Variants in HEMK2 observed in about 807,000 individuals in gnomAD.
HEMK2 encodes methyltransferase HEMK2.
At chr21:28,805,801 G>T in the HEMK2 span, among the ~76,000 whole-genome samples, 1 of 152,118 alleles carries the variant, frequency 6.6e-6, no homozygotes, top group East Asian at 1.9e-4. Flanking sequence ...TAAAAGTTCT[G>T]CTTTCTTTTC....
chr21:28,638,520 G>A, the HEMK2 span, among the ~76,000 whole-genome samples: 1 of 152,176 alleles, frequency 6.6e-6, no homozygotes, highest in African/African-American at 2.4e-5. Context: ...TTAAGCAAAG[G>A]AGAGGACATG....
chr21:28,841,085 TTA>T, the HEMK2 span, among the ~76,000 whole-genome samples: 64 of 46,894 alleles, frequency 1.4e-3, 7 homozygotes, highest in African/African-American at 0.011. Flanking sequence ...ATATTATATA[TTA>T]TATATATTAT....
At chr21:28,645,696 A>T in the HEMK2 span, among the ~76,000 whole-genome samples, 1 of 152,224 alleles carries the variant, frequency 6.6e-6, no homozygotes, top group Non-Finnish European at 1.5e-5. Context: ...TGATCAGGTC[A>T]TGAGGTCAGA....
chr21:28,775,971 TA>T, the HEMK2 span, among the ~76,000 whole-genome samples: 19 of 146,586 alleles, frequency 1.3e-4, no homozygotes, highest in East Asian at 2.0e-4. Flanking sequence ...GAGGTGAGGG[TA>T]AAAAAAAAAG....
chr21:28,656,140 G>A, the HEMK2 span, among the ~76,000 whole-genome samples: 1 of 152,056 alleles, frequency 6.6e-6, no homozygotes, highest in African/African-American at 2.4e-5. Flanking sequence ...CAGCAATGAA[G>A]GTTTAGAAGA....
chr21:28,708,768 G>C, the HEMK2 span, among the ~76,000 whole-genome samples: 3 of 152,310 alleles, frequency 2.0e-5, no homozygotes, highest in Admixed American at 6.5e-5. Context: ...GAGCAACTGT[G>C]ACCTCTATAA....
At chr21:28,835,576 G>A in the HEMK2 span, among the ~76,000 whole-genome samples, 1 of 151,976 alleles carries the variant, frequency 6.6e-6, no homozygotes, top group African/African-American at 2.4e-5. Flanking sequence ...TACAAAACAA[G>A]GCTCTTCAAC....
the HEMK2 span, among the ~76,000 whole-genome samples, chr21:28,735,585 A>G: frequency 1.3e-5 from 2 of 152,194 alleles, no homozygotes; most frequent in East Asian, 3.8e-4. Context: ...TAAACTCAGA[A>G]GTAAAAAGAG....
the HEMK2 span, among the ~76,000 whole-genome samples, chr21:28,581,141 C>G: frequency 6.6e-6 from 1 of 151,812 alleles, no homozygotes. Flanking sequence ...ACTACCTTGT[C>G]TGAATCTGGT....
the HEMK2 span, among the ~76,000 whole-genome samples, chr21:28,635,171 G>A: frequency 2.0e-5 from 3 of 149,336 alleles, no homozygotes; most frequent in East Asian, 2.0e-4. Flanking sequence ...GTGCCATCTC[G>A]GCTCACTGCA....
chr21:28,677,738 C>T, the HEMK2 span, among the ~76,000 whole-genome samples: 1 of 152,182 alleles, frequency 6.6e-6, no homozygotes. Flanking sequence ...TTGCTGTTCA[C>T]CAATATTCGC....
chr21:28,691,263 G>A, the HEMK2 span, among the ~76,000 whole-genome samples: 6 of 151,948 alleles, frequency 3.9e-5, no homozygotes, highest in Non-Finnish European at 5.9e-5. Flanking sequence ...GGGACTGAAC[G>A]CTTGGGTTTT....
chr21:28,647,065 G>C, the HEMK2 span, among the ~76,000 whole-genome samples: 2 of 152,144 alleles, frequency 1.3e-5, no homozygotes, highest in African/African-American at 4.8e-5. Context: ...ATTTTCTATA[G>C]AATGTGGCTC....
At chr21:28,724,570 T>G in the HEMK2 span, among the ~76,000 whole-genome samples, 23 of 152,160 alleles carry the variant, frequency 1.5e-4, no homozygotes, top group Non-Finnish European at 3.1e-4. Flanking sequence ...TTGTTTGTTT[T>G]TTAACCAGAC....
At chr21:28,831,688 AAGGAAG>A in the HEMK2 span, among the ~76,000 whole-genome samples, 19 of 71,536 alleles carry the variant, frequency 2.7e-4, no homozygotes, top group East Asian at 9.5e-4. Context: ...AGAAAGAAGG[AAGGAAG>A]GAAGGAAGGA....
chr21:28,728,332 G>A, the HEMK2 span, among the ~76,000 whole-genome samples: 1 of 152,136 alleles, frequency 6.6e-6, no homozygotes, highest in Non-Finnish European at 1.5e-5. Context: ...ATGAAAATGA[G>A]TGTATCACCA....
the HEMK2 span, among the ~76,000 whole-genome samples, chr21:28,824,911 C>G: frequency 4.0e-5 from 6 of 151,604 alleles, no homozygotes; most frequent in South Asian, 1.3e-3. Flanking sequence ...TTTTTAATCC[C>G]TCCCAGTTTG....
At chr21:28,857,008 C>T in the HEMK2 span, among the ~76,000 whole-genome samples, 1 of 152,176 alleles carries the variant, frequency 6.6e-6, no homozygotes, top group African/African-American at 2.4e-5. Context: ...GGCCCCACTC[C>T]CACAGCACCT....
chr21:28,732,424 G>A, the HEMK2 span, among the ~76,000 whole-genome samples: 1 of 152,236 alleles, frequency 6.6e-6, no homozygotes, highest in Non-Finnish European at 1.5e-5. Flanking sequence ...AGATAATACA[G>A]CATGTGCTGG....
Sources: allele counts gnomAD v4.1 joint callset (sites outside exome capture counted in the v4.1 genomes callset), GRCh38; gene constraint gnomAD v4.1.1; transcripts MANE v1.5; gene names NCBI Gene and HGNC (gene_info 2026-07-23, HGNC 2026-07-21).